The following PBX1 variants were observed in gnomAD, a reference collection of about 807,000 sequenced individuals.
PBX1 encodes the protein PBX homeobox 1.
PBX1 carries 6 observed loss-of-function variants against 53.4 expected under a neutral mutation model. The ratio of observed to expected loss-of-function variants is 0.11; its 90% CI spans 0.06 to 0.22. The LOEUF is 0.22. Among genes scored for constraint, PBX1 ranks in the 10% least tolerant of loss-of-function variants. The pLI is 1.00. For missense variants in PBX1, 251 were observed against 551.4 expected, an observed-to-expected ratio of 0.46 and a Z score of 5.46; for synonymous variants, 204 against 212.3, an observed-to-expected ratio of 0.96 and a Z score of 0.34.
chr1:164,829,841 G>C lies in PBX1; in HGVS notation c.1200+8215G>C, dbSNP rs558200777. The C allele has an allele frequency of 2.6e-5, 4 of 151,206 alleles. No homozygotes were observed. In the South Asian group the frequency reaches 8.4e-4, roughly 32 times the overall value. The allele number at this position is 151,206 out of a possible 1,614,324, so 9.4% of individuals were successfully genotyped here. On this transcript the variant is annotated intron_variant, in intron 8 of 8. Coordinates refer to ENST00000420696, the MANE Select transcript of PBX1 (RefSeq NM_002585.4). ...CCAAAAGAGAATTGGTATCAACTAA[G>C]TACCGTTAACATACAAGATATGACA...
chr1:164,809,295 C>T (rs1669496070), intron 5 of PBX1, among the ~76,000 whole-genome samples: 1 of 152,160 alleles, frequency 6.6e-6, no homozygotes, highest in Admixed American at 6.5e-5. Flanking sequence ...TCACTTCCTT[C>T]ATTATGGAAA....
At chr1:164,783,924 A>G (rs1254388350) in intron 2 of PBX1, among the ~76,000 whole-genome samples, 1 of 152,216 alleles carries the variant, frequency 6.6e-6, no homozygotes, top group Admixed American at 6.5e-5. Context: ...AAGAGTATTG[A>G]GAAACTTCTG....
intron 2 of PBX1, among the ~76,000 whole-genome samples, chr1:164,868,073 A>G (rs1281495493): frequency 6.6e-6 from 1 of 152,218 alleles, no homozygotes; most frequent in East Asian, 1.9e-4. Context: ...CCAGCATTTC[A>G]TGTGGGAGGA....
intron 2 of PBX1, among the ~76,000 whole-genome samples, chr1:164,786,727 G>A (rs574365938): frequency 0.022 from 3,037 of 136,478 alleles, 106 homozygotes; most frequent in African/African-American, 0.068. Flanking sequence ...GTGTGCGCGC[G>A]CACACACACA....
At chr1:164,634,287 G>A (rs865892265) in intron 2 of PBX1, among the ~76,000 whole-genome samples, 2 of 152,318 alleles carry the variant, frequency 1.3e-5, no homozygotes, top group Middle Eastern at 3.4e-3. Flanking sequence ...CGAGATTAGT[G>A]CCGTTGACCT....
chr1:164,561,173 T>C (rs1261979199), intron 1 of PBX1, among the ~76,000 whole-genome samples: 1 of 152,252 alleles, frequency 6.6e-6, no homozygotes, highest in Non-Finnish European at 1.5e-5. Flanking sequence ...TTGAAAACCC[T>C]GTAAACAAAT....
At chr1:164,786,720 T>TGTGTGTGTGCGCGC (rs1357886882) in intron 2 of PBX1, among the ~76,000 whole-genome samples, 90 of 116,280 alleles carry the variant, frequency 7.7e-4, no homozygotes, top group African/African-American at 2.9e-3. Context: ...TGTGTGTGTG[T>TGTGTGTGTGCGCGC]GCGCGCGCAC....
chr1:164,828,271 C>T (rs1018248341), intron 8 of PBX1, among the ~76,000 whole-genome samples: 2 of 149,682 alleles, frequency 1.3e-5, no homozygotes, highest in African/African-American at 4.9e-5. Flanking sequence ...TTTGTGTATG[C>T]GTGTGTGTGT....
intron 2 of PBX1, among the ~76,000 whole-genome samples, chr1:164,876,485 A>C (rs189516735): frequency 6.7e-6 from 1 of 148,622 alleles, no homozygotes; most frequent in Admixed American, 6.7e-5. Context: ...AAGGAGACTT[A>C]GGTGAGTGCG....
At chr1:164,707,930 C>T (rs1035797070) in intron 2 of PBX1, among the ~76,000 whole-genome samples, 2 of 152,210 alleles carry the variant, frequency 1.3e-5, no homozygotes, top group Non-Finnish European at 2.9e-5. Context: ...TGGCAGAGCC[C>T]GAGAGAGCTG....
intron 2 of PBX1, among the ~76,000 whole-genome samples, chr1:164,606,166 C>T (rs1403524964): frequency 6.7e-6 from 1 of 149,750 alleles, no homozygotes; most frequent in Non-Finnish European, 1.5e-5. Flanking sequence ...TTTAAAATAA[C>T]TCTCATCTTT....
chr1:164,743,271 A>C (rs186754195), intron 2 of PBX1, among the ~76,000 whole-genome samples: 7 of 152,176 alleles, frequency 4.6e-5, no homozygotes, highest in Admixed American at 3.9e-4. Context: ...TCCTTTTCTC[A>C]TTGCAATCTT....
intron 2 of PBX1, among the ~76,000 whole-genome samples, chr1:164,879,976 C>T (rs1672607334): frequency 6.6e-6 from 1 of 152,110 alleles, no homozygotes; most frequent in Admixed American, 6.5e-5. Context: ...GGCAGAGGTG[C>T]CAGTGGTATA....
At chr1:164,806,829 G>C (rs889185165) in intron 4 of PBX1, among the ~76,000 whole-genome samples, 3 of 152,190 alleles carry the variant, frequency 2.0e-5, no homozygotes, top group South Asian at 2.1e-4. Context: ...CGTGTTGGGC[G>C]CTGTGCTGAG....
chr1:164,746,501 C>T (rs748437674), intron 2 of PBX1, among the ~76,000 whole-genome samples: 1 of 152,168 alleles, frequency 6.6e-6, no homozygotes, highest in African/African-American at 2.4e-5. Flanking sequence ...CTCAGCCTCT[C>T]GAGTAGCTGG....
chr1:164,710,832 A>G (rs1418724377), intron 2 of PBX1, among the ~76,000 whole-genome samples: 1 of 152,226 alleles, frequency 6.6e-6, no homozygotes, highest in Non-Finnish European at 1.5e-5. Flanking sequence ...ATTATTTGAA[A>G]TATTGTGAAA....
chr1:164,855,113 T>C (rs1297163018), downstream of PBX1, among the ~76,000 whole-genome samples: 2 of 152,008 alleles, frequency 1.3e-5, no homozygotes, highest in African/African-American at 4.8e-5. Flanking sequence ...ACCCGGCTAA[T>C]GTTTGTATTT....
chr1:164,561,313 GAATTATACTC>G (rs1174078249), intron 1 of PBX1, among the ~76,000 whole-genome samples: 3 of 152,290 alleles, frequency 2.0e-5, no homozygotes, highest in African/African-American at 7.2e-5. Flanking sequence ...TAGATGTTAT[GAATTATACTC>G]AATTTTAGCT....
intron 2 of PBX1, among the ~76,000 whole-genome samples, chr1:164,623,509 T>C (rs1385154081): frequency 6.6e-6 from 1 of 152,188 alleles, no homozygotes; most frequent in Non-Finnish European, 1.5e-5. Flanking sequence ...CAGGTGGGAG[T>C]GGGTGCATTA....
Sources: allele counts gnomAD v4.1 joint callset (sites outside exome capture counted in the v4.1 genomes callset), GRCh38; gene constraint gnomAD v4.1.1; transcripts MANE v1.5; gene names NCBI Gene and HGNC (gene_info 2026-07-23, HGNC 2026-07-21).